The following CYYR1 variants were observed in gnomAD, a reference collection of about 807,000 sequenced individuals.
CYYR1 encodes cysteine and tyrosine-rich protein 1.
In CYYR1, 14 loss-of-function variants were observed where a neutral mutation model predicts 15.2. That is an observed-to-expected ratio of 0.92 (90% CI 0.61 to 1.44). The LOEUF is 1.44. CYYR1 is among the 40% of genes most tolerant of loss of function. CYYR1 has a pLI of 0.00. For missense variants in CYYR1, 228 were observed against 209.5 expected, an observed-to-expected ratio of 1.09 and a Z score of -0.54; for synonymous variants, 80 against 77.4, an observed-to-expected ratio of 1.03 and a Z score of -0.18.
rs1981112082 is a variant in CYYR1, at chr21:26,573,017, G to A, written c.-77C>T. The A allele has an allele frequency of 9.3e-6, 15 of 1,610,112 alleles. No homozygotes were observed. The East Asian group carries it at 3.4e-4, about 36-fold the overall frequency. The stretch of plus-strand genomic sequence containing the variant: ...GAATGGGGAGGATGGAGGGCGATCA[G>A]ATGGAGAGAGCAGCGCTCCTGAGAG... On this transcript the variant is annotated 5_prime_UTR_variant, in exon 1 of 4. Coordinates refer to ENST00000652641, the MANE Select transcript of CYYR1 (RefSeq NM_001320768.2).
In CYYR1 at chr21:26,572,971, G is replaced by A. The variant is rs1289390741; in HGVS notation, c.-31C>T. ...CCGGTGGCCTGAGGCTTGGAGCGAA[G>A]GGAGAGCCCGGAACCGGAGGGAATG... On this transcript the variant is annotated 5_prime_UTR_variant, in exon 1 of 4. Coordinates refer to ENST00000652641, the MANE Select transcript of CYYR1 (RefSeq NM_001320768.2). The A allele has an allele frequency of 1.9e-6, 3 of 1,613,284 alleles. No individual in the cohort carries two copies. In the Admixed American group the frequency reaches 5.0e-5, roughly 27 times the overall value.
chr21:26,534,412 C>T (rs1344703230), intron 2 of CYYR1, among the ~76,000 whole-genome samples: 1 of 152,138 alleles, frequency 6.6e-6, no homozygotes, highest in Non-Finnish European at 1.5e-5. Context: ...TCCTGATCTA[C>T]TCTCTACCTT....
intron 2 of CYYR1, among the ~76,000 whole-genome samples, chr21:26,539,022 C>T (rs1426200520): frequency 6.6e-6 from 1 of 152,002 alleles, no homozygotes; most frequent in Non-Finnish European, 1.5e-5. Flanking sequence ...GAGATACAGG[C>T]AAAGAATAAT....
chr21:26,501,737 A>G (rs2065484276), intron 2 of CYYR1, among the ~76,000 whole-genome samples: 1 of 152,200 alleles, frequency 6.6e-6, no homozygotes, highest in African/African-American at 2.4e-5. Context: ...GGATTCCCAC[A>G]GTTAGACTGA....
At chr21:26,481,702 G>A (rs1420819504) in intron 2 of CYYR1, among the ~76,000 whole-genome samples, 2 of 151,818 alleles carry the variant, frequency 1.3e-5, no homozygotes, top group Non-Finnish European at 1.5e-5. Context: ...GCATGCATGT[G>A]TCTTTATGGT....
At chr21:26,519,557 T>C (rs1352511581) in intron 2 of CYYR1, among the ~76,000 whole-genome samples, 1 of 152,210 alleles carries the variant, frequency 6.6e-6, no homozygotes, top group South Asian at 2.1e-4. Flanking sequence ...GAGTAACTTG[T>C]AGGCCATTTA....
intron 2 of CYYR1, among the ~76,000 whole-genome samples, chr21:26,541,103 GA>G (rs1569166939): frequency 6.6e-6 from 1 of 152,112 alleles, no homozygotes; most frequent in African/African-American, 2.4e-5. Context: ...AGAGCAGAGA[GA>G]AAAAATATTT....
At chr21:26,528,312 C>A (rs2065890379) in intron 2 of CYYR1, among the ~76,000 whole-genome samples, 1 of 152,020 alleles carries the variant, frequency 6.6e-6, no homozygotes, top group Non-Finnish European at 1.5e-5. Flanking sequence ...GAAATGTGAT[C>A]CTTAGTGTTG....
At chr21:26,566,123 A>G (rs1980596676) in intron 2 of CYYR1, 143 bp downstream of exon 2, 6 of 597,970 alleles carry the variant, frequency 1.0e-5, no homozygotes. Flanking sequence ...GCGATGTGTT[A>G]ATATCTCCAG....
chr21:26,544,840 C>T (rs982677057), intron 2 of CYYR1, among the ~76,000 whole-genome samples: 2 of 152,056 alleles, frequency 1.3e-5, no homozygotes, highest in African/African-American at 4.8e-5. Flanking sequence ...AATCCCAGCA[C>T]TTTGGGAGGT....
chr21:26,500,412 A>G (rs2065464864), intron 2 of CYYR1, among the ~76,000 whole-genome samples: 1 of 152,182 alleles, frequency 6.6e-6, no homozygotes, highest in Non-Finnish European at 1.5e-5. Context: ...GCAATGGGCC[A>G]CAATAGGAGA....
At chr21:26,542,611 T>C (rs1978654062) in intron 2 of CYYR1, among the ~76,000 whole-genome samples, 1 of 152,098 alleles carries the variant, frequency 6.6e-6, no homozygotes, top group African/African-American at 2.4e-5. Flanking sequence ...CTCCAACAAC[T>C]TCTAGTCAAT....
chr21:26,534,610 C>T (rs2065973225), intron 2 of CYYR1, among the ~76,000 whole-genome samples: 1 of 152,120 alleles, frequency 6.6e-6, no homozygotes, highest in South Asian at 2.1e-4. Context: ...CACTTAACCA[C>T]CTTGCACTAT....
chr21:26,565,874 T>C (rs1041595966), intron 2 of CYYR1, among the ~76,000 whole-genome samples: 1 of 152,192 alleles, frequency 6.6e-6, no homozygotes, highest in Non-Finnish European at 1.5e-5. Context: ...AATTAATACA[T>C]GATGACAAAA....
chr21:26,489,161 T>C (rs1371695904), intron 2 of CYYR1, among the ~76,000 whole-genome samples: 2 of 152,190 alleles, frequency 1.3e-5, no homozygotes, highest in Non-Finnish European at 2.9e-5. Flanking sequence ...TTAATTGGGA[T>C]TGTTCCTCAT....
intron 2 of CYYR1, among the ~76,000 whole-genome samples, chr21:26,560,456 T>C (rs1210546217): frequency 6.6e-6 from 1 of 152,188 alleles, no homozygotes; most frequent in Non-Finnish European, 1.5e-5. Flanking sequence ...GGACTTCCAG[T>C]ACAATGCTGA....
chr21:26,508,276 A>T (rs1221132635), intron 2 of CYYR1, among the ~76,000 whole-genome samples: 1 of 152,162 alleles, frequency 6.6e-6, no homozygotes, highest in East Asian at 1.9e-4. Context: ...GAACTGGATC[A>T]TGAGGGGTCT....
At chr21:26,494,520 G>T (rs949993551) in intron 2 of CYYR1, among the ~76,000 whole-genome samples, 11 of 151,980 alleles carry the variant, frequency 7.2e-5, no homozygotes, top group Non-Finnish European at 1.3e-4. Flanking sequence ...ATATTATCTA[G>T]CTAAATTTTA....
chr21:26,491,061 C>A (rs1233872709), intron 2 of CYYR1, among the ~76,000 whole-genome samples: 1 of 152,128 alleles, frequency 6.6e-6, no homozygotes, highest in Non-Finnish European at 1.5e-5. Context: ...ACAATACAGT[C>A]TATCAAAATG....
Sources: gnomAD v4.1 joint callset for allele counts (sites outside exome capture counted in the v4.1 genomes callset) on GRCh38, gnomAD v4.1.1 for gene constraint, MANE v1.5 for transcripts, NCBI Gene and HGNC (gene_info 2026-07-23, HGNC 2026-07-21) for gene names.